MGAT5: variants seen among roughly 807,000 people sequenced by gnomAD.
MGAT5 encodes alpha-1,6-mannosylglycoprotein 6-beta-N-acetylglucosaminyltransferase A.
A neutral mutation model predicts 94.3 loss-of-function variants in MGAT5; 30 were observed. The observed-to-expected ratio is 0.32, with a 90% CI of 0.24 to 0.43. The LOEUF (loss-of-function observed/expected upper bound fraction) is 0.43, where lower values mean the gene tolerates loss of function less well. Ranked by LOEUF, MGAT5 falls within the 20% of genes least tolerant of loss-of-function variation. The pLI is 1.00. For synonymous variants in MGAT5, 310 were observed against 322.9 expected, an observed-to-expected ratio of 0.96 and a Z score of 0.43; for missense variants, 691 against 905.5, an observed-to-expected ratio of 0.76 and a Z score of 3.04.
At chr2:134,324,809 A>G (rs547357797) in intron 4 of MGAT5, among the ~76,000 whole-genome samples, 5 of 152,176 alleles carry the variant, frequency 3.3e-5, no homozygotes, top group African/African-American at 4.8e-5. Context: ...ATACCAACAC[A>G]CACCCTTCAA....
chr2:134,204,715 A>T (rs536807330), intron 1 of MGAT5, among the ~76,000 whole-genome samples: 1 of 152,142 alleles, frequency 6.6e-6, no homozygotes, highest in South Asian at 2.1e-4. Flanking sequence ...AGAGGACTTG[A>T]TATTGCTCTT....
At chr2:134,152,812 T>C (rs1303498640) in intron 1 of MGAT5, among the ~76,000 whole-genome samples, 1 of 152,158 alleles carries the variant, frequency 6.6e-6, no homozygotes, top group Non-Finnish European at 1.5e-5. Context: ...GGGCAGTGCT[T>C]TGGCAACCTC....
intron 2 of MGAT5, among the ~76,000 whole-genome samples, chr2:134,309,005 C>T (rs958053500): frequency 6.6e-6 from 1 of 152,208 alleles, no homozygotes; most frequent in African/African-American, 2.4e-5. Flanking sequence ...TTCCTCAACC[C>T]TAAACAACCA....
At chr2:134,221,201 G>A (rs1680749475) in intron 1 of MGAT5, among the ~76,000 whole-genome samples, 1 of 152,170 alleles carries the variant, frequency 6.6e-6, no homozygotes, top group Admixed American at 6.5e-5. Context: ...GGTGGTTGGG[G>A]TACAGCTTGG....
chr2:134,446,523 T>C, intron 15 of MGAT5, among the ~76,000 whole-genome samples: 1 of 152,164 alleles, frequency 6.6e-6, no homozygotes, highest in African/African-American at 2.4e-5. Flanking sequence ...TCCAGATATT[T>C]TTCTCTCTGT....
intron 15 of MGAT5, among the ~76,000 whole-genome samples, chr2:134,442,346 C>CAA (rs1685529252): frequency 6.6e-6 from 1 of 151,984 alleles, no homozygotes; most frequent in Non-Finnish European, 1.5e-5. Flanking sequence ...GGGCTGGTGG[C>CAA]AAGTGACATT....
At chr2:134,394,829 G>A (rs1344962367) in intron 10 of MGAT5, among the ~76,000 whole-genome samples, 2 of 152,208 alleles carry the variant, frequency 1.3e-5, no homozygotes, top group Non-Finnish European at 2.9e-5. Context: ...CCTTTAAACA[G>A]TATCTGGCCA....
intron 1 of MGAT5, among the ~76,000 whole-genome samples, chr2:134,148,907 T>A (rs1000304097): frequency 3.3e-5 from 5 of 151,990 alleles, no homozygotes; most frequent in African/African-American, 1.2e-4. Context: ...TACAGGAGCC[T>A]GCCACCACAC....
At position 134,283,608 on chromosome 2, in the gene MGAT5, T is replaced by C. The variant is rs559827392; in HGVS notation, c.406+13058T>C. The stretch of plus-strand genomic sequence containing the variant: ...CTTCTTGTCTGTAGGTGCCTGTCTC[T>C]ATTCACATTTAAAGCCATTGTTGAG... On this transcript the variant is annotated intron_variant, in intron 2 of 15. Transcript: ENST00000281923. 2.0e-5 allele frequency among the ~76,000 whole-genome samples: 3 copies of C among 150,842 alleles called. No individual in the cohort carries two copies. In the East Asian group the frequency reaches 5.9e-4, roughly 30 times the overall value.
intron 10 of MGAT5, among the ~76,000 whole-genome samples, chr2:134,373,521 C>A (rs1481819256): frequency 6.6e-6 from 1 of 152,182 alleles, no homozygotes; most frequent in Non-Finnish European, 1.5e-5. Context: ...CGATTTTCCA[C>A]CTAAATAGAA....
chr2:134,349,442 G>T (rs569532372), intron 8 of MGAT5, among the ~76,000 whole-genome samples: 7 of 152,324 alleles, frequency 4.6e-5, no homozygotes, highest in Non-Finnish European at 1.0e-4. Context: ...GGCATCAGTT[G>T]ATTAGACACC....
intron 1 of MGAT5, among the ~76,000 whole-genome samples, chr2:134,157,177 C>T (rs1295731323): frequency 6.6e-6 from 1 of 152,132 alleles, no homozygotes; most frequent in Admixed American, 6.6e-5. Context: ...ACTTATAAAA[C>T]TGCTAAAATC....
In MGAT5 at chr2:134,352,219, A is replaced by G. The variant is rs533690267; in HGVS notation, c.1246+2281A>G. Among the ~76,000 whole-genome samples, 4 of 152,318 alleles carry G rather than the reference A, an allele frequency of 2.6e-5. No individual in the cohort carries two copies. The South Asian group carries it at 8.3e-4, about 32-fold the overall frequency. The stretch of plus-strand genomic sequence containing the variant: ...ATATATATGAATCTATCCCAAAGAT[A>G]ATGAGCAAAATCAAGATGTGGCATG... On this transcript the variant is annotated intron_variant, in intron 9 of 15. Transcript: ENST00000281923.
chr2:134,215,096 T>C (rs189090354), intron 1 of MGAT5, among the ~76,000 whole-genome samples: 16 of 152,370 alleles, frequency 1.1e-4, no homozygotes, highest in Admixed American at 8.5e-4. Context: ...TATTGTTGCA[T>C]GTAATCATTC....
At chr2:134,328,542 G>A (rs144767903) in intron 4 of MGAT5, among the ~76,000 whole-genome samples, 8 of 152,170 alleles carry the variant, frequency 5.3e-5, no homozygotes, top group Non-Finnish European at 1.0e-4. Context: ...AAAGCGCCGC[G>A]TAAGTGGAAA....
intron 1 of MGAT5, among the ~76,000 whole-genome samples, chr2:134,248,008 C>T (rs1447422602): frequency 6.6e-6 from 1 of 152,116 alleles, no homozygotes; most frequent in African/African-American, 2.4e-5. Context: ...TGCCCTGCCC[C>T]CCTAGAATTT....
At chr2:134,162,497 AG>A (rs1309596608) in intron 1 of MGAT5, among the ~76,000 whole-genome samples, 4 of 152,200 alleles carry the variant, frequency 2.6e-5, no homozygotes, top group Non-Finnish European at 5.9e-5. Context: ...TGGGAACTTT[AG>A]GTATATTCTC....
intron 2 of MGAT5, among the ~76,000 whole-genome samples, chr2:134,302,922 T>C (rs1394762324): frequency 2.6e-5 from 4 of 152,154 alleles, no homozygotes; most frequent in Non-Finnish European, 5.9e-5. Flanking sequence ...TGTGATTGTC[T>C]TTATCTTGTG....
intron 6 of MGAT5, among the ~76,000 whole-genome samples, chr2:134,340,969 A>ATTAC (rs1688591060): frequency 6.6e-6 from 1 of 152,174 alleles, no homozygotes; most frequent in Non-Finnish European, 1.5e-5. Context: ...ATGTTAAGGA[A>ATTAC]TTACTAGGTT....
Sources: gnomAD v4.1 joint callset for allele counts (sites outside exome capture counted in the v4.1 genomes callset) on GRCh38, gnomAD v4.1.1 for gene constraint, MANE v1.5 for transcripts, NCBI Gene and HGNC (gene_info 2026-07-23, HGNC 2026-07-21) for gene names.